Variants in PTPRD observed in about 807,000 individuals in gnomAD.
PTPRD encodes receptor-type tyrosine-protein phosphatase delta.
A neutral mutation model predicts 214.5 loss-of-function variants in PTPRD; 34 were observed. That is an observed-to-expected ratio of 0.16 (90% CI 0.12 to 0.21). The LOEUF (loss-of-function observed/expected upper bound fraction) is 0.21. Ranked by LOEUF, PTPRD falls within the 10% of genes least tolerant of loss-of-function variation. The pLI, the probability that PTPRD is intolerant of heterozygous loss-of-function variation, is 1.00. For missense variants in PTPRD, 2,545 were observed against 2,398.7 expected (o/e 1.06, Z -1.27); for synonymous variants, 1,128 against 845.7 (o/e 1.33, Z -5.79).
intron 5 of PTPRD, among the ~76,000 whole-genome samples, chr9:9,850,432 A>G (rs1157570003): frequency 6.6e-6 from 1 of 152,160 alleles, no homozygotes; most frequent in Admixed American, 6.6e-5. Context: ...TGACTGAAAC[A>G]CCACATATAC....
intron 9 of PTPRD, among the ~76,000 whole-genome samples, chr9:9,279,659 G>T (rs1217861477): frequency 6.6e-6 from 1 of 150,510 alleles, no homozygotes; most frequent in African/African-American, 2.4e-5. Flanking sequence ...TTCAAGAAGA[G>T]AATGTTTAAA....
chr9:9,926,435 T>TA (rs1191423803), intron 5 of PTPRD, among the ~76,000 whole-genome samples: 4 of 151,970 alleles, frequency 2.6e-5, no homozygotes, highest in Non-Finnish European at 2.9e-5. Context: ...AAAAGGAAGA[T>TA]ATCAAGGAGG....
chr9:9,423,529 C>T (rs1049043851), intron 8 of PTPRD, among the ~76,000 whole-genome samples: 4 of 152,084 alleles, frequency 2.6e-5, no homozygotes, highest in Admixed American at 6.6e-5. Flanking sequence ...TGCAATATCA[C>T]CAGGCATACA....
intron 5 of PTPRD, among the ~76,000 whole-genome samples, chr9:9,932,996 G>C (rs1199506665): frequency 6.6e-6 from 1 of 150,540 alleles, no homozygotes; most frequent in Admixed American, 6.6e-5. Flanking sequence ...AAGTGAAGGA[G>C]AAATAAAATC....
At chr9:10,435,094 A>T (rs1440860330) in intron 2 of PTPRD, among the ~76,000 whole-genome samples, 1 of 151,828 alleles carries the variant, frequency 6.6e-6, no homozygotes, top group East Asian at 1.9e-4. Flanking sequence ...TTTGCTCATT[A>T]TTTCCTAAAG....
chr9:9,592,314 T>G (rs1032136438), intron 7 of PTPRD, among the ~76,000 whole-genome samples: 1 of 151,886 alleles, frequency 6.6e-6, no homozygotes, highest in African/African-American at 2.4e-5. Flanking sequence ...CGAAACAAAT[T>G]CAAACAAAAC....
intron 11 of PTPRD, among the ~76,000 whole-genome samples, chr9:8,887,132 C>G (rs2098497511): frequency 6.6e-6 from 1 of 152,166 alleles, no homozygotes; most frequent in African/African-American, 2.4e-5. Flanking sequence ...GCCACATCAT[C>G]TAGTACATAT....
At chr9:10,122,728 C>A (rs2098786047) in intron 3 of PTPRD, among the ~76,000 whole-genome samples, 1 of 152,160 alleles carries the variant, frequency 6.6e-6, no homozygotes, top group South Asian at 2.1e-4. Context: ...TATTAATAGA[C>A]AGGTATTTAC....
At chr9:9,764,762 G>C (rs1250793454) in intron 6 of PTPRD, among the ~76,000 whole-genome samples, 1 of 152,148 alleles carries the variant, frequency 6.6e-6, no homozygotes, top group Non-Finnish European at 1.5e-5. Flanking sequence ...CGGATAGCAA[G>C]TGACAGACTC....
At chr9:8,963,452 A>G (rs2099169219) in intron 11 of PTPRD, among the ~76,000 whole-genome samples, 1 of 152,152 alleles carries the variant, frequency 6.6e-6, no homozygotes, top group African/African-American at 2.4e-5. Flanking sequence ...AGAAAAAAAC[A>G]TAAACAAAAC....
At chr9:10,536,480 A>C (rs1287263693) in intron 2 of PTPRD, among the ~76,000 whole-genome samples, 4 of 152,126 alleles carry the variant, frequency 2.6e-5, no homozygotes, top group Non-Finnish European at 5.9e-5. Flanking sequence ...TTTCATGTTT[A>C]TGAGAAACTT....
At chr9:10,516,887 G>C (rs912696708) in intron 2 of PTPRD, among the ~76,000 whole-genome samples, 9 of 151,786 alleles carry the variant, frequency 5.9e-5, no homozygotes, top group African/African-American at 2.2e-4. Flanking sequence ...GACCAATCAT[G>C]CGTGCTTTCA....
chr9:9,115,539 A>T (rs2099811596), intron 10 of PTPRD, among the ~76,000 whole-genome samples: 2 of 152,174 alleles, frequency 1.3e-5, no homozygotes, highest in Non-Finnish European at 2.9e-5. Flanking sequence ...GGGAATGTAA[A>T]TTACTACAGC....
At chr9:8,787,787 T>C (rs956770260) in intron 11 of PTPRD, among the ~76,000 whole-genome samples, 1 of 152,166 alleles carries the variant, frequency 6.6e-6, no homozygotes, top group South Asian at 2.1e-4. Context: ...CTACCCTTTA[T>C]GTCATGTCTG....
chr9:9,126,353 T>C (rs1053241218), intron 10 of PTPRD, among the ~76,000 whole-genome samples: 1 of 152,296 alleles, frequency 6.6e-6, no homozygotes, highest in East Asian at 1.9e-4. Flanking sequence ...CACTGTCCAA[T>C]AGGCCATAAT....
chr9:9,620,146 A>C (rs1044780751), intron 7 of PTPRD, among the ~76,000 whole-genome samples: 1 of 152,076 alleles, frequency 6.6e-6, no homozygotes, highest in African/African-American at 2.4e-5. Flanking sequence ...CTAATTTCCT[A>C]CTTAATGTTC....
chr9:10,153,053 T>C (rs1489428754), intron 3 of PTPRD, among the ~76,000 whole-genome samples: 1 of 152,092 alleles, frequency 6.6e-6, no homozygotes, highest in Non-Finnish European at 1.5e-5. Context: ...AGAGTAAAAG[T>C]TTCCATTAGA....
chr9:10,171,867 A>G (rs1161336505), intron 3 of PTPRD, among the ~76,000 whole-genome samples: 1 of 152,170 alleles, frequency 6.6e-6, no homozygotes, highest in African/African-American at 2.4e-5. Context: ...AATAACCCCC[A>G]TCATGCTGTT....
At chr9:10,483,631 T>C (rs774228082) in intron 2 of PTPRD, among the ~76,000 whole-genome samples, 5 of 151,968 alleles carry the variant, frequency 3.3e-5, no homozygotes, top group Non-Finnish European at 5.9e-5. Flanking sequence ...AGACATTTCT[T>C]AATAGAAGAT....
Sources: allele counts gnomAD v4.1 joint callset (sites outside exome capture counted in the v4.1 genomes callset), GRCh38; gene constraint gnomAD v4.1.1; transcripts MANE v1.5; gene names NCBI Gene and HGNC (gene_info 2026-07-23, HGNC 2026-07-21).